The following FRMD4B variants were observed in gnomAD, a reference collection of about 807,000 sequenced individuals.
FRMD4B encodes the protein FERM domain containing 4B, also known as FERM domain-containing protein 4B.
FRMD4B carries 74 observed loss-of-function variants against 141.5 expected under a neutral mutation model. The observed-to-expected ratio is 0.52, with a 90% CI of 0.43 to 0.63. The LOEUF is 0.63. Among genes scored for constraint, FRMD4B ranks in the 30% least tolerant of loss-of-function variants. FRMD4B has a pLI of 0.00. For synonymous variants in FRMD4B, 506 were observed against 467.9 expected, an observed-to-expected ratio of 1.08 and a Z score of -1.05; for missense variants, 1,366 against 1,253.4, an observed-to-expected ratio of 1.09 and a Z score of -1.36.
chr3:69,456,595 G>A (rs569035087), intron 1 of FRMD4B, among the ~76,000 whole-genome samples: 1 of 152,234 alleles, frequency 6.6e-6, no homozygotes, highest in African/African-American at 2.4e-5. Flanking sequence ...GTCTCCTGCA[G>A]TAAACTCCAG....
rs1444560220 is a variant in FRMD4B at position 69,287,791 on chromosome 3, C to T, written c.462G>A (p.Val154=). ...CCTTTGCATTCAGGAAAAACAGCTCCACGGTGGTTTTATCCTTTAAAAACG... is the reference window on the plus strand; with the variant it reads ...CCTTTGCATTCAGGAAAAACAGCTCTACGGTGGTTTTATCCTTTAAAAACG... ...SISFLKDKTT[V]ELFFLNAKAC... is the part of the protein sequence containing the mutation. The change falls in exon 5 of 23, where the codon GTG becomes GTA. Residue 154 remains valine (V), a synonymous_variant. Coordinates refer to ENST00000398540, the MANE Select transcript of FRMD4B (RefSeq NM_015123.3). 6.2e-7 allele frequency: 1 copy of T among 1,605,556 alleles called. No homozygotes were observed. The highest frequency in any genetic ancestry group is 1.1e-5 in the South Asian group (1 of 90,116).
chr3:69,482,978 A>C (rs1301944894), intron 1 of FRMD4B, among the ~76,000 whole-genome samples: 1 of 152,244 alleles, frequency 6.6e-6, no homozygotes, highest in East Asian at 1.9e-4. Flanking sequence ...GATAGAACTG[A>C]GTAACATTGG....
chr3:69,346,977 A>G (rs1406625408), intron 1 of FRMD4B, among the ~76,000 whole-genome samples: 1 of 152,240 alleles, frequency 6.6e-6, no homozygotes, highest in African/African-American at 2.4e-5. Context: ...ATTCACTCAT[A>G]ACAATATTAA....
At chr3:69,466,698 T>C (rs1705793434) in intron 1 of FRMD4B, among the ~76,000 whole-genome samples, 1 of 151,984 alleles carries the variant, frequency 6.6e-6, no homozygotes, top group Admixed American at 6.6e-5. Context: ...AGCAAAACCT[T>C]TTCTTTTCTT....
At chr3:69,513,624 A>G (rs1706724818) in intron 1 of FRMD4B, among the ~76,000 whole-genome samples, 1 of 152,210 alleles carries the variant, frequency 6.6e-6, no homozygotes, top group Non-Finnish European at 1.5e-5. Context: ...TCCCTAAAAA[A>G]TAATGATGAA....
At chr3:69,531,389 T>C (rs1473033440) in intron 1 of FRMD4B, among the ~76,000 whole-genome samples, 1 of 143,996 alleles carries the variant, frequency 6.9e-6, no homozygotes, top group Non-Finnish European at 1.5e-5. Context: ...CATTTATATG[T>C]ACCAAGCAAA....
chr3:69,395,738 AAGC>A (rs1704464199), intron 2 of FRMD4B, among the ~76,000 whole-genome samples: 1 of 152,226 alleles, frequency 6.6e-6, no homozygotes, highest in South Asian at 2.1e-4. Flanking sequence ...CAAGAAGAGC[AAGC>A]AGCAGGAAGC....
chr3:69,483,730 G>A (rs1436974089), intron 1 of FRMD4B, among the ~76,000 whole-genome samples: 1 of 152,092 alleles, frequency 6.6e-6, no homozygotes. Flanking sequence ...GGCAATAAAT[G>A]TTAACCAACT....
At chr3:69,455,292 A>G (rs572667850) in intron 1 of FRMD4B, among the ~76,000 whole-genome samples, 11 of 152,374 alleles carry the variant, frequency 7.2e-5, no homozygotes, top group South Asian at 4.1e-4. Flanking sequence ...GTCTGTTTAC[A>G]TAATGTGGGA....
intron 14 of FRMD4B, among the ~76,000 whole-genome samples, chr3:69,195,613 T>C (rs535593306): frequency 1.3e-5 from 2 of 152,252 alleles, no homozygotes; most frequent in South Asian, 2.1e-4. Context: ...ATAAAATGCT[T>C]AACGTCCCAG....
rs918793673 is a variant in FRMD4B at position 69,228,511 on chromosome 3, T to C, written c.582-3821A>G. The C allele has an allele frequency of 2.2e-5, 10 of 451,038 alleles. 1 individual carries two copies. The highest frequency in any genetic ancestry group is 2.1e-4 in the Admixed American group (9 of 41,904). 27.9% of individuals were successfully genotyped at this position (451,038 alleles called of 1,614,324 possible). ...AAGATACAGATTTGACTCTGTGTGA[T>C]AGAGATCAAAACTTTAATTTATCTT... On this transcript the variant is annotated intron_variant, in intron 7 of 22. Coordinates refer to ENST00000398540, the MANE Select transcript of FRMD4B (RefSeq NM_015123.3).
chr3:69,239,784 T>G (rs1002054247), intron 7 of FRMD4B, among the ~76,000 whole-genome samples: 13 of 151,818 alleles, frequency 8.6e-5, no homozygotes, highest in Non-Finnish European at 1.5e-4. Context: ...CGTCCAGGCG[T>G]GGTGGCTCAC....
intron 11 of FRMD4B, 132 bp downstream of exon 11, chr3:69,216,131 G>T (rs1559724898): frequency 1.8e-6 from 1 of 549,190 alleles, no homozygotes; most frequent in Non-Finnish European, 3.3e-6. Context: ...TCCAGCTTGG[G>T]CGACAAAGTG....
At chr3:69,260,036 T>C (rs1357900092) in intron 5 of FRMD4B, among the ~76,000 whole-genome samples, 1 of 152,216 alleles carries the variant, frequency 6.6e-6, no homozygotes, top group Non-Finnish European at 1.5e-5. Flanking sequence ...AAGATTAATA[T>C]TCAGTATTTT....
At chr3:69,540,994 A>T (rs1475545135) in intron 1 of FRMD4B, among the ~76,000 whole-genome samples, 2 of 152,122 alleles carry the variant, frequency 1.3e-5, no homozygotes, top group Admixed American at 1.3e-4. Flanking sequence ...CGTCTTGATG[A>T]GGTTAAGTAA....
chr3:69,193,899 T>C, intron 16 of FRMD4B, 26 bp from the exon 17 acceptor site: 2 of 1,406,160 alleles, frequency 1.4e-6, no homozygotes, highest in Non-Finnish European at 2.0e-6. Context: ...GATAGTTTTA[T>C]TTTTATGGAC....
chr3:69,469,191 G>A (rs772130145), intron 1 of FRMD4B, among the ~76,000 whole-genome samples: 2 of 152,038 alleles, frequency 1.3e-5, no homozygotes, highest in African/African-American at 2.4e-5. Context: ...GCCATTTGCC[G>A]GTTCTATTAC....
intron 1 of FRMD4B, among the ~76,000 whole-genome samples, chr3:69,346,262 G>A (rs1355609170): frequency 2.0e-5 from 3 of 152,158 alleles, no homozygotes; most frequent in East Asian, 1.9e-4. Flanking sequence ...GAAATGAAGC[G>A]AGAAGAGAAG....
chr3:69,505,174 A>T (rs1243232053), intron 1 of FRMD4B, among the ~76,000 whole-genome samples: 1 of 151,928 alleles, frequency 6.6e-6, no homozygotes, highest in Admixed American at 6.6e-5. Flanking sequence ...GTTAGAGACC[A>T]GCCTGGGCAA....
Sources: gnomAD v4.1 joint callset for allele counts (sites outside exome capture counted in the v4.1 genomes callset) on GRCh38, gnomAD v4.1.1 for gene constraint, MANE v1.5 for transcripts, NCBI Gene and HGNC (gene_info 2026-07-23, HGNC 2026-07-21) for gene names.